C11orf65: variants seen among roughly 807,000 people sequenced by gnomAD.
C11orf65 encodes protein MFI.
In C11orf65, 38 loss-of-function variants were observed where a neutral mutation model predicts 35.3. The observed-to-expected ratio is 1.08, with a 90% CI of 0.83 to 1.41. C11orf65 has a LOEUF of 1.41. Among genes scored for constraint, C11orf65 ranks in the 40% most tolerant of loss-of-function variants. The probability of loss-of-function intolerance (pLI) is 0.00; values close to 1 mark genes in which losing one functional copy is unlikely to be tolerated. For synonymous variants in C11orf65, 105 were observed against 114.4 expected (o/e 0.92, Z 0.53); for missense variants, 370 against 367.1 (o/e 1.01, Z -0.06).
intron 3 of C11orf65, among the ~76,000 whole-genome samples, chr11:108,422,743 A>T (rs2092837494): frequency 6.6e-6 from 1 of 151,986 alleles, no homozygotes; most frequent in African/African-American, 2.4e-5. Context: ...TTAGCAGGGC[A>T]TGGTGGCGGG....
chr11:108,356,365 G>T (rs190711723), intron 2 of C11orf65, among the ~76,000 whole-genome samples: 1 of 151,904 alleles, frequency 6.6e-6, no homozygotes, highest in Non-Finnish European at 1.5e-5. Context: ...GTGAAACCCC[G>T]TCTCTAATAA....
At chr11:108,403,163 A>G (rs2092470099) in intron 6 of C11orf65, among the ~76,000 whole-genome samples, 1 of 152,140 alleles carries the variant, frequency 6.6e-6, no homozygotes, top group South Asian at 2.1e-4. Flanking sequence ...AACTTGTCAA[A>G]CCGTTTTCTG....
chr11:108,396,525 T>C (rs1247892574), intron 6 of C11orf65, among the ~76,000 whole-genome samples: 1 of 152,098 alleles, frequency 6.6e-6, no homozygotes, highest in Non-Finnish European at 1.5e-5. Flanking sequence ...TCTCAGGTTT[T>C]GAACTCTTTT....
intron 7 of C11orf65, among the ~76,000 whole-genome samples, chr11:108,390,089 T>C (rs1024418186): frequency 6.6e-6 from 1 of 152,096 alleles, no homozygotes; most frequent in African/African-American, 2.4e-5. Flanking sequence ...AGTGGCGCGA[T>C]GTCAGCTCAC....
chr11:108,450,246 C>T (rs777054465), intron 2 of C11orf65, among the ~76,000 whole-genome samples: 3 of 151,914 alleles, frequency 2.0e-5, no homozygotes, highest in Non-Finnish European at 4.4e-5. Context: ...GGATCTAGAA[C>T]TAGAAATACC....
At chr11:108,452,033 A>T (rs2093354583) in intron 2 of C11orf65, among the ~76,000 whole-genome samples, 1 of 152,194 alleles carries the variant, frequency 6.6e-6, no homozygotes. Context: ...TAAACGTTAG[A>T]CCTAAAACCA....
chr11:108,417,011 A>C (rs181363538), intron 3 of C11orf65, among the ~76,000 whole-genome samples: 5 of 152,352 alleles, frequency 3.3e-5, no homozygotes, highest in Admixed American at 1.3e-4. Context: ...TGCATGTTGC[A>C]ATCTCTTGAA....
chr11:108,454,580 G>A (rs2093390712), intron 2 of C11orf65, among the ~76,000 whole-genome samples: 1 of 152,160 alleles, frequency 6.6e-6, no homozygotes, highest in African/African-American at 2.4e-5. Context: ...TTACAGGCGT[G>A]AGCCACTGCA....
chr11:108,347,753 C>T (rs1002839532), intron 2 of C11orf65, among the ~76,000 whole-genome samples: 2 of 151,978 alleles, frequency 1.3e-5, no homozygotes, highest in African/African-American at 4.8e-5. Context: ...GTAGTTGAGT[C>T]GCTTGAGAGA....
At chr11:108,328,984 T>A, downstream of C11orf65, 1 of 1,567,808 alleles carries the variant, frequency 6.4e-7, no homozygotes, top group African/African-American at 1.4e-5. Context: ...ATTTAGTATT[T>A]GTAAATATAA....
At chr11:108,447,051 G>C (rs985909419) in intron 2 of C11orf65, among the ~76,000 whole-genome samples, 2 of 152,270 alleles carry the variant, frequency 1.3e-5, no homozygotes, top group South Asian at 4.1e-4. Flanking sequence ...ATTACGTAAT[G>C]ATAAAGGGAT....
chr11:108,343,455 C>T, intron 2 of C11orf65: 1 of 1,520,538 alleles, frequency 6.6e-7, no homozygotes, highest in South Asian at 1.2e-5. Flanking sequence ...TTATAGAATA[C>T]AAAAAAACTT....
intron 1 of C11orf65, among the ~76,000 whole-genome samples, chr11:108,466,988 C>CAAT (rs397798650): frequency 5.3e-5 from 8 of 150,976 alleles, no homozygotes; most frequent in Non-Finnish European, 1.2e-4. Context: ...AGAAGAAAAA[C>CAAT]TAACCTATTC....
chr11:108,405,396 C>T (rs552415099), intron 6 of C11orf65, 33 bp downstream of exon 6: 43 of 1,600,570 alleles, frequency 2.7e-5, no homozygotes, highest in Admixed American at 3.5e-5. Context: ...CAAAATACTA[C>T]GTATTTCCTT....
chr11:108,316,964 C>T (rs1326514133), intron 6 of C11orf65, among the ~76,000 whole-genome samples: 1 of 151,806 alleles, frequency 6.6e-6, no homozygotes, highest in Non-Finnish European at 1.5e-5. Flanking sequence ...GATAAGGTGT[C>T]ACCCTGTTAC....
chr11:108,353,650 T>C (rs1211714405), intron 2 of C11orf65: 2 of 806,288 alleles, frequency 2.5e-6, no homozygotes, highest in Non-Finnish European at 4.3e-6. Context: ...TACATACTAG[T>C]GTTCATAGAA....
At chr11:108,378,872 A>G (rs1451242307), downstream of C11orf65, among the ~76,000 whole-genome samples, 2 of 151,600 alleles carry the variant, frequency 1.3e-5, no homozygotes, top group African/African-American at 2.4e-5. Context: ...AAAACACATG[A>G]AAAAATGCTC....
chr11:108,348,527 A>G (rs796991232), intron 2 of C11orf65, among the ~76,000 whole-genome samples: 1 of 151,774 alleles, frequency 6.6e-6, no homozygotes, highest in African/African-American at 2.4e-5. Flanking sequence ...TGAAGTATTA[A>G]TGGGATTTCT....
At chr11:108,343,148 C>A (rs2136933701) in intron 2 of C11orf65, 1 of 1,581,394 alleles carries the variant, frequency 6.3e-7, no homozygotes, top group Non-Finnish European at 8.7e-7. Flanking sequence ...TGCACTGACT[C>A]TGATAGCTGA....
Sources: allele counts gnomAD v4.1 joint callset (sites outside exome capture counted in the v4.1 genomes callset), GRCh38; gene constraint gnomAD v4.1.1; transcripts MANE v1.5; gene names NCBI Gene and HGNC (gene_info 2026-07-23, HGNC 2026-07-21).